TMEM80: variants seen among roughly 807,000 people sequenced by gnomAD.
TMEM80 encodes the protein transmembrane protein 80.
TMEM80 carries 16 observed loss-of-function variants against 13.6 expected under a neutral mutation model. The observed-to-expected ratio is 1.17, with a 90% CI of 0.79 to 1.78. The LOEUF is 1.78. TMEM80 is among the 40% of genes most tolerant of loss of function. The probability of loss-of-function intolerance (pLI) is 0.00; values close to 1 mark genes in which losing one functional copy is unlikely to be tolerated. For missense variants in TMEM80, 167 were observed against 184.6 expected (o/e 0.90, Z 0.55); for synonymous variants, 92 against 89.5 (o/e 1.03, Z -0.16).
intron 1 of TMEM80, chr11:697,449 G>A (rs1414165345): frequency 6.6e-6 from 1 of 152,234 alleles, no homozygotes; most frequent in Non-Finnish European, 1.5e-5. Context: ...GTCAGAATGA[G>A]CTCCTGCAGG....
chr11:701,918 G>A (rs559713040), intron 4 of TMEM80, among the ~76,000 whole-genome samples: 13 of 152,332 alleles, frequency 8.5e-5, no homozygotes, highest in Non-Finnish European at 1.3e-4. Flanking sequence ...TGTGGCCAGC[G>A]GGGTGCAGAC....
chr11:695,841 G>T lies in TMEM80; in HGVS notation c.14G>T (p.Arg5Leu), dbSNP rs1433826300. ...GGGGCGGGTAAGATGGCGGCCCCGC[G>T]GCGAGGTGAGCTCGGGCGGGGTGGG... Reference protein sequence around the residue: MAAPRRGRGSSTVLS... With the variant: MAAPLRGRGSSTVLS... The change falls in exon 1 of 5, where the codon CGG becomes CTG. Residue 5 changes from arginine (R) to leucine (L), a missense_variant. Coordinates refer to ENST00000397510, the MANE Select transcript of TMEM80 (RefSeq NM_001042463.3). The T allele has an allele frequency of 7.3e-6, 9 of 1,230,088 alleles. No homozygotes were observed. The highest frequency in any genetic ancestry group is 9.1e-6 in the Non-Finnish European group (9 of 986,128). The allele number at this position is 1,230,088 out of a possible 1,614,324, so 76.2% of individuals were successfully genotyped here. A position where few individuals can be genotyped will look rare whatever the true frequency, so the allele number is the denominator to read the frequency against.
intron 1 of TMEM80, among the ~76,000 whole-genome samples, chr11:697,191 C>T (rs1239920619): frequency 2.3e-5 from 3 of 132,702 alleles, no homozygotes; most frequent in Non-Finnish European, 3.4e-5. Flanking sequence ...GAGGTTGAGA[C>T]TGCAGTGAGC....
At chr11:698,256 A>AG (rs755384218) in intron 1 of TMEM80, among the ~76,000 whole-genome samples, 1 of 151,200 alleles carries the variant, frequency 6.6e-6, no homozygotes, top group Non-Finnish European at 1.5e-5. Flanking sequence ...AGAATCAAAA[A>AG]GGAGGAAAGA....
chr11:697,898 T>C (rs1299247372), intron 1 of TMEM80: 3 of 152,220 alleles, frequency 2.0e-5, no homozygotes, highest in Non-Finnish European at 4.4e-5. Context: ...TGTGTGAGAT[T>C]CCACAAACTC....
At chr11:702,013 A>G (rs933418099) in intron 4 of TMEM80, among the ~76,000 whole-genome samples, 5 of 152,204 alleles carry the variant, frequency 3.3e-5, no homozygotes, top group Admixed American at 1.3e-4. Flanking sequence ...TGGGGAACGC[A>G]ATGGGCACTT....
At chr11:698,634 A>G (rs1861306297) in intron 1 of TMEM80, among the ~76,000 whole-genome samples, 1 of 151,790 alleles carries the variant, frequency 6.6e-6, no homozygotes, top group Non-Finnish European at 1.5e-5. Context: ...TGCCCCCGGT[A>G]CTCGCTGTCT....
rs1590040327 is a variant in TMEM80 at position 703,548 on chromosome 11, T to C, written c.*398T>C. The C allele has an allele frequency of 3.3e-5, 41 of 1,233,932 alleles. No individual in the cohort carries two copies. The East Asian group carries it at 1.2e-3, about 37-fold the overall frequency. The allele number at this position is 1,233,932 out of a possible 1,614,324, so 76.4% of individuals were successfully genotyped here. On this transcript the variant is annotated 3_prime_UTR_variant, in exon 5 of 5. Coordinates refer to ENST00000397510, the MANE Select transcript of TMEM80 (RefSeq NM_001042463.3). ...TCTCACTGCATCCCCCATCACCCCC[T>C]AGTTCCCCAATGGTCCTAATTTGTG... is the stretch of plus-strand genomic sequence containing the variant.
Position 703,929 on chromosome 11 carries a change from A to G in TMEM80, c.*779A>G. The stretch of plus-strand genomic sequence containing the variant: ...TTTTGCCTTTTGCACGGAGTGCTAA[A>G]CAAATTCTAGCTCTGTGTTTTTTTC... On this transcript the variant is annotated 3_prime_UTR_variant, in exon 5 of 5. Transcript: ENST00000397510. 8.0e-7 allele frequency: 1 copy of G among 1,243,844 alleles called. No homozygotes were observed. The highest frequency in any genetic ancestry group is 1.0e-6 in the Non-Finnish European group (1 of 995,612). The allele number at this position is 1,243,844 out of a possible 1,614,324, so 77.1% of individuals were successfully genotyped here. A position where few individuals can be genotyped will look rare whatever the true frequency, so the allele number is the denominator to read the frequency against.
downstream of TMEM80, chr11:704,271 C>T: frequency 1.4e-6 from 1 of 717,182 alleles, no homozygotes; most frequent in Non-Finnish European, 2.0e-6. Context: ...GCTCGGTGGA[C>T]TCCTGAGGGC....
chr11:699,791 TAACTC>T, intron 2 of TMEM80: 1 of 231,706 alleles, frequency 4.3e-6, no homozygotes, highest in Non-Finnish European at 8.5e-6. Flanking sequence ...TTTTCTCTCT[TAACTC>T]ATAACTGGGG....
chr11:695,653 C>T, upstream of TMEM80: 1 of 1,244,648 alleles, frequency 8.0e-7, no homozygotes, highest in South Asian at 4.0e-5. Flanking sequence ...TCCGAAAGTG[C>T]CCGAGCGGTG....
chr11:695,815 C>CG (rs1861109635), upstream of TMEM80: 2 of 1,231,984 alleles, frequency 1.6e-6, no homozygotes, highest in African/African-American at 1.6e-5. Flanking sequence ...GACCGGCGGG[C>CG]GGGGCGGGTA....
At chr11:696,395 G>A (rs971257073) in intron 1 of TMEM80, among the ~76,000 whole-genome samples, 2 of 152,182 alleles carry the variant, frequency 1.3e-5, no homozygotes, top group African/African-American at 4.8e-5. Context: ...GTAATTAGGT[G>A]CATTGTTTTG....
intron 2 of TMEM80, 190 bp downstream of exon 2, chr11:699,078 C>A: frequency 1.5e-6 from 1 of 687,826 alleles, no homozygotes; most frequent in Non-Finnish European, 2.5e-6. Context: ...GGCTCCATCC[C>A]CTACCTGCTC....
At chr11:704,262 C>A, downstream of TMEM80, 1 of 727,992 alleles carries the variant, frequency 1.4e-6, no homozygotes, top group Non-Finnish European at 1.9e-6. Context: ...GCGCCTTCCG[C>A]TCGGTGGACT....
downstream of TMEM80, chr11:704,710 A>G (rs183442007): frequency 8.2e-7 from 1 of 1,223,190 alleles, no homozygotes; most frequent in Admixed American, 2.3e-5. Flanking sequence ...TCCACAGGGA[A>G]CGCCATGGCT....
intron 1 of TMEM80, chr11:698,070 G>A (rs941455219): frequency 6.6e-6 from 1 of 152,284 alleles, no homozygotes; most frequent in African/African-American, 2.4e-5. Flanking sequence ...TGCAGCTTGA[G>A]CCTCCTTTTA....
chr11:700,556 A>C, intron 3 of TMEM80, 59 bp from the exon 4 acceptor site: 5 of 1,275,100 alleles, frequency 3.9e-6, no homozygotes, highest in Non-Finnish European at 5.7e-6. Flanking sequence ...AGGCAAGCTG[A>C]GGTGGCTGCT....
Sources: allele counts gnomAD v4.1 joint callset (sites outside exome capture counted in the v4.1 genomes callset), GRCh38; gene constraint gnomAD v4.1.1; transcripts MANE v1.5; gene names NCBI Gene and HGNC (gene_info 2026-07-23, HGNC 2026-07-21).